MTOR: variants seen among roughly 807,000 people sequenced by gnomAD.
MTOR encodes serine/threonine-protein kinase mTOR.
Under a neutral mutation model 319.8 loss-of-function variants are expected in MTOR, and 70 were observed. That is an observed-to-expected ratio of 0.22 (90% CI 0.18 to 0.27). The LOEUF (loss-of-function observed/expected upper bound fraction) is 0.27, where lower values mean the gene tolerates loss of function less well. Ranked by LOEUF, MTOR falls within the 10% of genes least tolerant of loss-of-function variation. The probability of loss-of-function intolerance (pLI) is 1.00; values close to 1 mark genes in which losing one functional copy is unlikely to be tolerated. For synonymous variants in MTOR, 1,183 were observed against 1,211.4 expected, an observed-to-expected ratio of 0.98 and a Z score of 0.49; for missense variants, 1,890 against 3,274.4, an observed-to-expected ratio of 0.58 and a Z score of 10.32.
At chr1:11,192,748 TAAAAAA>T (rs56996673) in intron 28 of MTOR, among the ~76,000 whole-genome samples, 2 of 119,254 alleles carry the variant, frequency 1.7e-5, no homozygotes, top group Non-Finnish European at 3.4e-5. Context: ...CCATTTCAAT[TAAAAAA>T]AAAAAAAAAA....
intron 20 of MTOR, 98 bp downstream of exon 20, chr1:11,216,050 A>G: frequency 8.5e-6 from 7 of 820,004 alleles, no homozygotes; most frequent in Non-Finnish European, 1.4e-5. Flanking sequence ...TAACAGCTCT[A>G]CAAAGATCCG....
At chr1:11,165,960 CT>C (rs1185846217) in intron 29 of MTOR, among the ~76,000 whole-genome samples, 3 of 152,206 alleles carry the variant, frequency 2.0e-5, no homozygotes, top group Admixed American at 2.0e-4. Flanking sequence ...ATCATCTGAT[CT>C]TTGACAAACC....
intron 36 of MTOR, among the ~76,000 whole-genome samples, chr1:11,137,405 T>G (rs1570965145): frequency 2.0e-5 from 3 of 152,088 alleles, no homozygotes; most frequent in Admixed American, 6.6e-5. Context: ...GGAGGCTGGG[T>G]ATTAAGTTTG....
At chr1:11,169,926 A>G (rs920533379) in intron 28 of MTOR, among the ~76,000 whole-genome samples, 5 of 152,188 alleles carry the variant, frequency 3.3e-5, no homozygotes, top group African/African-American at 1.2e-4. Flanking sequence ...ACATACACCT[A>G]CGGTGGAGAC....
chr1:11,201,195 T>C (rs1446380949), intron 26 of MTOR, among the ~76,000 whole-genome samples: 1 of 152,002 alleles, frequency 6.6e-6, no homozygotes, highest in Non-Finnish European at 1.5e-5. Flanking sequence ...CTGATCTAGG[T>C]CAGAGGCCAC....
intron 46 of MTOR, 121 bp from the exon 47 acceptor site, chr1:11,124,754 C>A: frequency 1.8e-6 from 2 of 1,119,106 alleles, no homozygotes; most frequent in Non-Finnish European, 2.4e-6. Context: ...ACACGTTCCT[C>A]ACAAAAAGAA....
chr1:11,189,535 A>G lies in MTOR; in HGVS notation c.4253+9723T>C, dbSNP rs747605106. On this transcript the variant is annotated intron_variant, in intron 28 of 57. Coordinates refer to ENST00000361445, the MANE Select transcript of MTOR (RefSeq NM_004958.4). ...TTGCAGACCTCAGCTGGGCATCTCC[A>G]GACTCCCCTGAAGGAAGAGCCTTCC... The G allele has an allele frequency of 2.6e-6, 4 of 1,541,148 alleles. No individual in the cohort carries two copies. The South Asian group carries it at 5.1e-5, about 20-fold the overall frequency.
chr1:11,157,128 A>C, intron 30 of MTOR, 24 bp downstream of exon 30: 1 of 1,575,156 alleles, frequency 6.3e-7, no homozygotes, highest in Non-Finnish European at 8.6e-7. Flanking sequence ...GCAGCCACAC[A>C]TGCCATCATT....
At chr1:11,114,195 A>G (rs956504309) in intron 53 of MTOR, 123 bp downstream of exon 53, 5 of 1,194,454 alleles carry the variant, frequency 4.2e-6, no homozygotes, top group East Asian at 2.4e-5. Flanking sequence ...GGGTCTTACT[A>G]TGTTGCCCAG....
chr1:11,193,104 G>C (rs543132795), intron 28 of MTOR, among the ~76,000 whole-genome samples: 23 of 151,982 alleles, frequency 1.5e-4, no homozygotes, highest in Non-Finnish European at 3.1e-4. Context: ...ATCACCTGAG[G>C]TCAGGACTTT....
intron 30 of MTOR, among the ~76,000 whole-genome samples, chr1:11,154,762 T>C (rs1011404275): frequency 3.9e-5 from 6 of 152,034 alleles, no homozygotes; most frequent in East Asian, 1.9e-4. Flanking sequence ...GGTGGGAGGA[T>C]TGCTTGAGTC....
chr1:11,193,792 G>A (rs1645658465), intron 28 of MTOR: 1 of 1,613,320 alleles, frequency 6.2e-7, no homozygotes, highest in Non-Finnish European at 8.5e-7. Flanking sequence ...CAAGGCCAGG[G>A]GCCCCATGAC....
intron 12 of MTOR, 149 bp downstream of exon 12, chr1:11,238,253 C>T: frequency 1.1e-6 from 1 of 928,770 alleles, no homozygotes; most frequent in South Asian, 1.6e-5. Flanking sequence ...GCTACAGTAG[C>T]CATGCCTAAC....
chr1:11,128,426 T>G lies in MTOR; in HGVS notation c.5910+28A>C. The G allele has an allele frequency of 7.5e-6, 12 of 1,606,498 alleles. No homozygotes were observed. The highest frequency in any genetic ancestry group is 1.0e-5 in the Non-Finnish European group (12 of 1,173,376). On this transcript the variant is annotated intron_variant, in intron 42 of 57. Coordinates refer to ENST00000361445, the MANE Select transcript of MTOR (RefSeq NM_004958.4). This position sits in a 1 kb window ranked among gnomAD's most constrained non-coding sequence, Gnocchi z 5.3. Reference sequence around the variant, plus strand: ...GCTGACCACCAAACCAGTGGTTAGATGAGAAACTGCCCAGAGTCTCCACAT... The same window carrying G: ...GCTGACCACCAAACCAGTGGTTAGAGGAGAAACTGCCCAGAGTCTCCACAT...
At chr1:11,161,111 T>C (rs1644464317) in intron 29 of MTOR, among the ~76,000 whole-genome samples, 1 of 152,216 alleles carries the variant, frequency 6.6e-6, no homozygotes, top group African/African-American at 2.4e-5. Flanking sequence ...CCAACGGTCT[T>C]AGCAAATGGC....
intron 46 of MTOR, among the ~76,000 whole-genome samples, chr1:11,124,848 C>G (rs1465666695): frequency 6.6e-6 from 1 of 152,192 alleles, no homozygotes; most frequent in Non-Finnish European, 1.5e-5. Flanking sequence ...TAAAACAAAA[C>G]AAAATCTGTT....
intron 9 of MTOR, among the ~76,000 whole-genome samples, chr1:11,242,856 AG>A (rs374708020): frequency 2.1e-3 from 318 of 152,378 alleles, no homozygotes; most frequent in African/African-American, 7.5e-3. Context: ...GCAGATTCCC[AG>A]TAAATAATAA....
At chr1:11,198,800 C>A (rs1645869522) in intron 28 of MTOR, among the ~76,000 whole-genome samples, 1 of 152,194 alleles carries the variant, frequency 6.6e-6, no homozygotes, top group Non-Finnish European at 1.5e-5. Flanking sequence ...TTATGCTCTG[C>A]CTTTTATATT....
At chr1:11,113,233 T>C (rs898379061) in intron 53 of MTOR, among the ~76,000 whole-genome samples, 2 of 152,210 alleles carry the variant, frequency 1.3e-5, no homozygotes, top group Admixed American at 6.5e-5. Flanking sequence ...AAAGGGTAGA[T>C]GAAGATACTG....
Sources: gnomAD v4.1 joint callset for allele counts (sites outside exome capture counted in the v4.1 genomes callset) on GRCh38, gnomAD v4.1.1 for gene constraint, Gnocchi (gnomAD v3.1) non-coding constraint, MANE v1.5 for transcripts, NCBI Gene and HGNC (gene_info 2026-07-23, HGNC 2026-07-21) for gene names.